The following VEGFD variants were observed in gnomAD, a reference collection of about 807,000 sequenced individuals.
The protein encoded by VEGFD is c-fos induced growth factor (vascular endothelial growth factor D).
VEGFD carries 26 observed loss-of-function variants against 28.0 expected under a neutral mutation model. The ratio of observed to expected loss-of-function variants is 0.93; its 90% CI spans 0.68 to 1.29. VEGFD has a LOEUF of 1.29. VEGFD is among the 50% of genes most tolerant of loss of function. The probability of loss-of-function intolerance (pLI) is 0.00; values close to 1 mark genes in which losing one functional copy is unlikely to be tolerated. For synonymous variants in VEGFD, 93 were observed against 95.5 expected (o/e 0.97, Z 0.15); for missense variants, 294 against 273.4 (o/e 1.08, Z -0.53).
At chrX:15,382,319 C>CAAAT (rs774994295) in intron 1 of VEGFD, among the ~76,000 whole-genome samples, 306 of 95,434 alleles carry the variant, frequency 3.2e-3, no homozygotes, top group Non-Finnish European at 4.5e-3. Context: ...GACTCCGTCT[C>CAAAT]AAATAAATAA....
chrX:15,354,443 A>G (rs16979835), intron 4 of VEGFD, among the ~76,000 whole-genome samples: 1,181 of 111,356 alleles, frequency 0.011, 13 homozygotes, highest in African/African-American at 0.036. Flanking sequence ...CTTGCCACTC[A>G]CACAATATAT....
chrX:15,367,689 C>T (rs1036978942), intron 1 of VEGFD, among the ~76,000 whole-genome samples: 3 of 110,826 alleles, frequency 2.7e-5, no homozygotes, highest in Non-Finnish European at 5.7e-5. Context: ...GGCATGGTGG[C>T]TTACACTTGT....
At chrX:15,356,014 C>G (rs1309694530) in intron 3 of VEGFD, among the ~76,000 whole-genome samples, 4 of 112,286 alleles carry the variant, frequency 3.6e-5, no homozygotes, top group Non-Finnish European at 7.5e-5. Flanking sequence ...GTATTAATAG[C>G]TGACTGATAC....
chrX:15,369,938 G>T (rs1311316699), intron 1 of VEGFD, among the ~76,000 whole-genome samples: 1 of 112,008 alleles, frequency 8.9e-6, no homozygotes, highest in Admixed American at 9.4e-5. Flanking sequence ...GAATATTATT[G>T]GACATCCATT....
chrX:15,368,162 G>A (rs1434033102), intron 1 of VEGFD, among the ~76,000 whole-genome samples: 1 of 109,348 alleles, frequency 9.1e-6, no homozygotes, highest in South Asian at 3.9e-4. Context: ...GAGAAAGAAA[G>A]AAAGAAAAGA....
At chrX:15,379,005 G>A (rs114177098) in intron 1 of VEGFD, among the ~76,000 whole-genome samples, 1,576 of 110,666 alleles carry the variant, frequency 0.014, 26 homozygotes, top group African/African-American at 0.048. Flanking sequence ...AACTTGCTGC[G>A]CCCACCATGG....
At chrX:15,352,222 T>A (rs946500934) in intron 5 of VEGFD, among the ~76,000 whole-genome samples, 6 of 112,369 alleles carry the variant, frequency 5.3e-5, no homozygotes, top group Non-Finnish European at 7.5e-5. Flanking sequence ...ATAGGACAGA[T>A]TTCTTAGAGT....
intron 1 of VEGFD, among the ~76,000 whole-genome samples, chrX:15,375,570 A>G (rs1923417762): frequency 8.9e-6 from 1 of 112,041 alleles, no homozygotes; most frequent in African/African-American, 3.2e-5. Flanking sequence ...CAGAGGCCTC[A>G]TGCTACCATT....
chrX:15,368,084 AAAG>A (rs1295818810), intron 1 of VEGFD, among the ~76,000 whole-genome samples: 13 of 101,386 alleles, frequency 1.3e-4, no homozygotes, highest in Non-Finnish European at 2.2e-4. Flanking sequence ...GAAAGAAAGA[AAAG>A]AAAGAAAGAA....
At chrX:15,363,391 C>G in intron 1 of VEGFD, 72 bp from the exon 2 acceptor site, 1 of 871,713 alleles carries the variant, frequency 1.1e-6, no homozygotes, top group Non-Finnish European at 1.6e-6. Context: ...ATCTTCATTT[C>G]TGACACTTAG....
chrX:15,357,271 TTC>T (rs911078488), intron 3 of VEGFD, among the ~76,000 whole-genome samples: 2 of 111,767 alleles, frequency 1.8e-5, no homozygotes, highest in Admixed American at 9.5e-5. Context: ...GTGCTAGATA[TTC>T]TCTCTTTGCC....
chrX:15,358,092 G>C lies in VEGFD; in HGVS notation c.403C>G (p.Pro135Ala), dbSNP rs201472376. 9.4e-5 allele frequency: 114 copies of C among 1,209,675 alleles called. No individual in the cohort carries two copies. The highest frequency in any genetic ancestry group is 4.4e-5 in the Admixed American group (2 of 45,775). ...GKSTNTFFKP[P>A]CVNVFRCGGC... ...CCACATCGGAACACGTTCACACAAG[G>C]GGGCTTGAAGAATGTGTTGGTACTC... The change falls in exon 3 of 7, where the codon CCT becomes GCT. Residue 135 changes from proline to alanine, a missense_variant. By Grantham distance (27) the Pro-to-Ala change is conservative (BLOSUM62 -1). Coordinates refer to ENST00000297904, the MANE Select transcript of VEGFD (RefSeq NM_004469.5).
chrX:15,347,789 T>C (rs773079635), intron 5 of VEGFD, among the ~76,000 whole-genome samples: 2 of 111,526 alleles, frequency 1.8e-5, no homozygotes, highest in South Asian at 7.5e-4. Context: ...CCTCAGACAT[T>C]CCAGGCCAGG....
intron 1 of VEGFD, among the ~76,000 whole-genome samples, chrX:15,374,966 ATTCCTTTCTTTCCTTCCTCT>A (rs1240417852): frequency 2.7e-5 from 3 of 110,764 alleles, no homozygotes; most frequent in Non-Finnish European, 5.7e-5. Flanking sequence ...TAAATGTTGC[ATTCCTTTCTTTCCTTCCTCT>A]TTCCTTTCTT....
intron 1 of VEGFD, among the ~76,000 whole-genome samples, chrX:15,379,617 TA>T (rs1187581355): frequency 2.7e-5 from 3 of 112,064 alleles, no homozygotes; most frequent in Non-Finnish European, 5.6e-5. Context: ...CATTCCCAAT[TA>T]TATACAGTTT....
At chrX:15,357,014 CAATT>C (rs1034553192) in intron 3 of VEGFD, among the ~76,000 whole-genome samples, 6 of 111,910 alleles carry the variant, frequency 5.4e-5, no homozygotes, top group East Asian at 2.8e-4. Flanking sequence ...GGCAAACTGA[CAATT>C]AAATAAGTAT....
At chrX:15,348,688 GT>G (rs1922614639) in intron 5 of VEGFD, among the ~76,000 whole-genome samples, 1 of 112,291 alleles carries the variant, frequency 8.9e-6, no homozygotes, top group Non-Finnish European at 1.9e-5. Context: ...ATGTCTGCAG[GT>G]TTAGCTAAGT....
At chrX:15,362,195 G>A (rs188905112) in intron 2 of VEGFD, among the ~76,000 whole-genome samples, 2 of 111,360 alleles carry the variant, frequency 1.8e-5, no homozygotes, top group East Asian at 5.6e-4. Context: ...ATCTTCATAC[G>A]TTACTAGGGA....
At chrX:15,377,789 C>T (rs1923473612) in intron 1 of VEGFD, among the ~76,000 whole-genome samples, 1 of 111,272 alleles carries the variant, frequency 9.0e-6, no homozygotes, top group African/African-American at 3.3e-5. Context: ...GGCTCTCCCT[C>T]CCTCTGTCAT....
Sources: allele counts gnomAD v4.1 joint callset (sites outside exome capture counted in the v4.1 genomes callset), GRCh38; gene constraint gnomAD v4.1.1; transcripts MANE v1.5; gene names NCBI Gene and HGNC (gene_info 2026-07-23, HGNC 2026-07-21).